Variants in CASP1 observed in about 807,000 individuals in gnomAD.
CASP1 encodes caspase-1.
CASP1 carries 31 observed loss-of-function variants against 41.2 expected under a neutral mutation model. The observed-to-expected ratio is 0.75, with a 90% CI of 0.57 to 1.02. The LOEUF is 1.02. Ranked by LOEUF, CASP1 falls within the 50% of genes least tolerant of loss-of-function variation. The pLI, the probability that CASP1 is intolerant of heterozygous loss-of-function variation, is 0.00. For synonymous variants in CASP1, 163 were observed against 166.5 expected, an observed-to-expected ratio of 0.98 and a Z score of 0.16; for missense variants, 490 against 495.7, an observed-to-expected ratio of 0.99 and a Z score of 0.11.
rs1329412913 is a variant in CASP1 at position 105,031,286 on chromosome 11, A to G, written c.338-6T>C. The G allele has an allele frequency of 6.6e-7, 1 of 1,526,140 alleles. No individual in the cohort carries two copies. Among genetic ancestry groups the G allele is most frequent in the Non-Finnish European group, 9.1e-7 (1 of 1,100,832 alleles). 94.5% of individuals were successfully genotyped at this position (1,526,140 alleles called of 1,614,324 possible). On this transcript the variant is annotated splice_region_variant and splice_polypyrimidine_tract_variant and intron_variant, in intron 3 of 8. Coordinates refer to ENST00000533400, the MANE Select transcript of CASP1 (RefSeq NM_001257118.3). ...GTCCTGCACTGCCTGAGGAGCTGCA[A>G]GAGACAAAGAACATCATGAACAGTG...
rs557765931 is a variant in CASP1 at position 105,030,989 on chromosome 11, C to A, written c.453+176G>T. On this transcript the variant is annotated intron_variant, in intron 4 of 8. Coordinates refer to ENST00000533400, the MANE Select transcript of CASP1 (RefSeq NM_001257118.3). ...ACCCCGGAAGTGGATCCAATTTGGACCTCTTTCTATAAACCTGGGATTCTA... is the reference window on the plus strand; with the variant it reads ...ACCCCGGAAGTGGATCCAATTTGGAACTCTTTCTATAAACCTGGGATTCTA... 543 of 557,398 alleles carry A rather than the reference C, an allele frequency of 9.7e-4. 5 individuals are homozygous for A. In the South Asian group the frequency reaches 0.011, roughly 12 times the overall value. 34.5% of individuals were successfully genotyped at this position (557,398 alleles called of 1,614,324 possible).
chr11:105,026,232 A>G lies in CASP1; in HGVS notation c.*26T>C, dbSNP rs371777784. On this transcript the variant is annotated 3_prime_UTR_variant, in exon 9 of 9. Coordinates refer to ENST00000533400, the MANE Select transcript of CASP1 (RefSeq NM_001257118.3). ...CCCGACCATACACATGTACCTGCCC[A>G]CAGACATTCATACAGTTTCCTTATT... 9 of 1,437,208 alleles carry G rather than the reference A, an allele frequency of 6.3e-6. No homozygotes were observed. In the African/African-American group the frequency reaches 1.1e-4, roughly 18 times the overall value. 89.0% of individuals were successfully genotyped at this position (1,437,208 alleles called of 1,614,324 possible).
In CASP1 at chr11:105,030,335, C is replaced by G; in HGVS notation, c.622G>C (p.Ala208Pro). 1 of 1,611,292 alleles carries G rather than the reference C, an allele frequency of 6.2e-7. No homozygotes were observed. ...TGTTGTATAATAGAACTTACCGAAG[C>G]AGTGAGATTTTTTTTCACATCTACG... ...YSVDVKKNLT[A>P]SDMTTELEAF... Residue 208 changes from alanine (A) to proline (P), a missense_variant, in exon 5 of 9, where the codon GCT becomes CCT. Coordinates refer to ENST00000533400, the MANE Select transcript of CASP1 (RefSeq NM_001257118.3).
intron 4 of CASP1, chr11:105,030,860 G>T (rs897440579): frequency 5.7e-6 from 2 of 351,034 alleles, no homozygotes; most frequent in Admixed American, 4.4e-5. Context: ...TCTCTAAAAT[G>T]GGTTGTGTTT....
intron 7 of CASP1, among the ~76,000 whole-genome samples, chr11:105,028,545 C>T (rs980597893): frequency 6.6e-6 from 1 of 151,904 alleles, no homozygotes; most frequent in African/African-American, 2.4e-5. Flanking sequence ...ACATATTAGT[C>T]AGCAATTCAA....
chr11:105,032,608 C>T (rs1449360574), intron 3 of CASP1, among the ~76,000 whole-genome samples: 1 of 152,008 alleles, frequency 6.6e-6, no homozygotes, highest in African/African-American at 2.4e-5. Flanking sequence ...AAAACTTGGC[C>T]ATGGGTTGAA....
rs1863668254 is a variant in CASP1, at chr11:105,031,156, G to A, written c.453+9C>T. The A allele has an allele frequency of 6.6e-7, 1 of 1,526,246 alleles. No individual in the cohort carries two copies. The highest frequency in any genetic ancestry group is 9.1e-7 in the Non-Finnish European group (1 of 1,100,472). 94.5% of individuals were successfully genotyped at this position (1,526,246 alleles called of 1,614,324 possible). A position where few individuals can be genotyped will look rare whatever the true frequency, so the allele number is the denominator to read the frequency against. On this transcript the variant is annotated intron_variant, in intron 4 of 8. Coordinates refer to ENST00000533400, the MANE Select transcript of CASP1 (RefSeq NM_001257118.3). ...ACCCCACTCTATCCTTGGGTTCTGA[G>A]CATGGCACCTCTGCCGACTTTTGTT...
At chr11:105,036,594 C>T (rs534333787), upstream of CASP1, among the ~76,000 whole-genome samples, 13 of 152,248 alleles carry the variant, frequency 8.5e-5, no homozygotes, top group African/African-American at 3.1e-4. Context: ...TGCTCATACC[C>T]TCTTGCCTGC....
At position 105,025,662 on chromosome 11, in the gene CASP1, A is replaced by C. The variant is rs1863226350; in HGVS notation, c.*596T>G. On this transcript the variant is annotated 3_prime_UTR_variant, in exon 9 of 9. Coordinates refer to ENST00000533400, the MANE Select transcript of CASP1 (RefSeq NM_001257118.3). The stretch of plus-strand genomic sequence containing the variant: ...GGAAAGAATTTTGTTAAAGACATGC[A>C]AGTTATAAAGTTATACCACCAATGG... The C allele has an allele frequency of 2.6e-6, 1 of 387,940 alleles. No individual in the cohort carries two copies. The highest frequency in any genetic ancestry group is 2.2e-5 in the African/African-American group (1 of 46,432). The allele number at this position is 387,940 out of a possible 1,614,324, so 24.0% of individuals were successfully genotyped here.
upstream of CASP1, chr11:105,035,232 A>G (rs969363290): frequency 6.0e-6 from 8 of 1,344,526 alleles, no homozygotes; most frequent in African/African-American, 1.2e-4. Flanking sequence ...GCATGTCTTT[A>G]TTTTTCTTCC....
chr11:105,035,810 C>A (rs1050096538), upstream of CASP1, among the ~76,000 whole-genome samples: 3 of 151,814 alleles, frequency 2.0e-5, no homozygotes, highest in Non-Finnish European at 4.4e-5. Flanking sequence ...AAGACAGGGT[C>A]TCCTTGTGTT....
intron 7 of CASP1, 82 bp from the exon 8 acceptor site, chr11:105,027,033 T>G: frequency 1.2e-6 from 1 of 814,314 alleles, no homozygotes; most frequent in Non-Finnish European, 2.2e-6. Flanking sequence ...ATACTCCAGC[T>G]GAGGGATGTT....
chr11:105,031,122 G>T, intron 4 of CASP1, 43 bp downstream of exon 4: 1 of 1,151,922 alleles, frequency 8.7e-7, no homozygotes, highest in Non-Finnish European at 1.3e-6. Context: ...TGCCTGAAGT[G>T]TTTCTTTCAC....
chr11:105,026,330 A>T lies in CASP1; in HGVS notation c.1143T>A (p.Asp381Glu). 8 of 1,611,450 alleles carry T rather than the reference A, an allele frequency of 5.0e-6. No individual in the cohort carries two copies. Among genetic ancestry groups the T allele is most frequent in the Non-Finnish European group, 6.8e-6 (8 of 1,178,118 alleles). ...RKVRFSFEQP[D>E]GRAQMPTTER... The stretch of plus-strand genomic sequence containing the variant: ...CAGTGGTGGGCATCTGCGCTCTACC[A>T]TCTGGCTGCTCAAATGAAAATCGAA... Residue 381 changes from aspartate to glutamate, a missense_variant, in exon 9 of 9, where the codon GAT (aspartate) becomes GAA (glutamate). Transcript: ENST00000533400.
chr11:105,031,365 C>A lies in CASP1; in HGVS notation c.338-85G>T, dbSNP rs1591200844. Reference sequence around the variant, plus strand: ...GTTACAGCCTCACCTATGGATGAAGCCACAGAAGAGGAAATGCACTCTGAG... The same window carrying A: ...GTTACAGCCTCACCTATGGATGAAGACACAGAAGAGGAAATGCACTCTGAG... On this transcript the variant is annotated intron_variant, in intron 3 of 8. Coordinates refer to ENST00000533400, the MANE Select transcript of CASP1 (RefSeq NM_001257118.3). 52 of 721,580 alleles carry A rather than the reference C, an allele frequency of 7.2e-5. No homozygotes were observed. The East Asian group carries it at 1.3e-3, about 18-fold the overall frequency. The allele number at this position is 721,580 out of a possible 1,614,324, so 44.7% of individuals were successfully genotyped here. A position where few individuals can be genotyped will look rare whatever the true frequency, so the allele number is the denominator to read the frequency against.
In CASP1 at chr11:105,034,348, C is replaced by T. The variant is rs767584047; in HGVS notation, c.134G>A (p.Arg45His). 5.0e-6 allele frequency: 8 copies of T among 1,614,172 alleles called. No homozygotes were observed. Among genetic ancestry groups the T allele is most frequent in the South Asian group, 1.1e-5 (1 of 91,084 alleles). ...CTTATCCATAACTGTAGCATTTTCA[C>T]GTTTTACTTTCTCCATCTCTTCCTT... ...LNKEEMEKVKRENATVMDKTR... is the reference protein window; with the variant it reads ...LNKEEMEKVKHENATVMDKTR... Residue 45 changes from arginine (R) to histidine (H), a missense_variant, in exon 2 of 9, where the codon CGT becomes CAT. Physicochemically the swap from Arg to His is conservative, Grantham distance 29. Transcript: ENST00000533400.
chr11:105,029,439 C>G (rs775022031), intron 6 of CASP1, among the ~76,000 whole-genome samples, 172 bp from the exon 7 acceptor site: 8 of 152,100 alleles, frequency 5.3e-5, no homozygotes, highest in Non-Finnish European at 1.0e-4. Flanking sequence ...CTTTTCTAAC[C>G]ATCAAACAAA....
Position 105,034,413 on chromosome 11 carries a change from A to C in CASP1, c.69T>G (p.Asn23Lys). The C allele has an allele frequency of 3.1e-6, 5 of 1,614,154 alleles. No individual in the cohort carries two copies. Among genetic ancestry groups the C allele is most frequent in the Non-Finnish European group, 4.2e-6 (5 of 1,180,008 alleles). ...FIRSMGEGTI[N>K]GLLDELLQTR... ...TCTGTAATAATTCATCCAGTAAGCC[A>C]TTTATTGTACCTTCACCCATGGAAC... is the stretch of plus-strand genomic sequence containing the variant. The change falls in exon 2 of 9, where the codon AAT becomes AAG. Residue 23 changes from asparagine to lysine, a missense_variant. Coordinates refer to ENST00000533400, the MANE Select transcript of CASP1 (RefSeq NM_001257118.3).
chr11:105,030,015 GGTGCCAAAAAAAAATTTAGTCTTA>G (rs1859799071), intron 5 of CASP1, 116 bp from the exon 6 acceptor site: 7 of 834,228 alleles, frequency 8.4e-6, no homozygotes, highest in Admixed American at 2.6e-5. Context: ...CAAACAACAG[GGTGCCAAAAAAAAATTTAGTCTTA>G]GTTTCAAGAA....
Sources: gnomAD v4.1 joint callset for allele counts (sites outside exome capture counted in the v4.1 genomes callset) on GRCh38, gnomAD v4.1.1 for gene constraint, MANE v1.5 for transcripts, NCBI Gene and HGNC (gene_info 2026-07-23, HGNC 2026-07-21) for gene names.